SGIP1: variants seen among roughly 807,000 people sequenced by gnomAD.
SGIP1 encodes SH3-containing GRB2-like protein 3-interacting protein 1.
Under a neutral mutation model 107.5 loss-of-function variants are expected in SGIP1, and 38 were observed. That is an observed-to-expected ratio of 0.35 (90% CI 0.27 to 0.46). The LOEUF (loss-of-function observed/expected upper bound fraction) is 0.46. Ranked by LOEUF, SGIP1 falls within the 20% of genes least tolerant of loss-of-function variation. SGIP1 has a pLI of 1.00. For synonymous variants in SGIP1, 365 were observed against 366.1 expected (o/e 1.00, Z 0.03); for missense variants, 929 against 1,019.5 (o/e 0.91, Z 1.21).
At chr1:66,658,011 T>G (rs1308018574) in intron 7 of SGIP1, among the ~76,000 whole-genome samples, 1 of 152,196 alleles carries the variant, frequency 6.6e-6, no homozygotes, top group Non-Finnish European at 1.5e-5. Context: ...TGTTGATAGC[T>G]GCTGCCATAG....
At chr1:66,673,225 T>C in intron 11 of SGIP1, 56 bp from the exon 12 acceptor site, 1 of 1,525,336 alleles carries the variant, frequency 6.6e-7, no homozygotes, top group Non-Finnish European at 9.1e-7. Flanking sequence ...TATATCTTTT[T>C]GAGTATTAAT....
At chr1:66,652,326 A>G (rs928075890) in intron 7 of SGIP1, among the ~76,000 whole-genome samples, 1 of 152,182 alleles carries the variant, frequency 6.6e-6, no homozygotes, top group Admixed American at 6.6e-5. Flanking sequence ...TGTAGGAGGC[A>G]GAAGGAAAAT....
intron 1 of SGIP1, among the ~76,000 whole-genome samples, chr1:66,554,443 G>A (rs1352729185): frequency 1.3e-5 from 2 of 152,070 alleles, no homozygotes; most frequent in Admixed American, 6.6e-5. Flanking sequence ...ATAACATGAT[G>A]AGCATCCCTA....
chr1:66,580,663 A>G (rs938037899), intron 1 of SGIP1, among the ~76,000 whole-genome samples: 3 of 152,082 alleles, frequency 2.0e-5, no homozygotes, highest in African/African-American at 4.8e-5. Context: ...TTTATTGTAG[A>G]TATTTCTTTA....
At chr1:66,663,911 C>T (rs1212239096) in intron 8 of SGIP1, among the ~76,000 whole-genome samples, 2 of 152,002 alleles carry the variant, frequency 1.3e-5, no homozygotes, top group Non-Finnish European at 2.9e-5. Context: ...AAAGTAATAG[C>T]AAAAAACCGC....
intron 20 of SGIP1, among the ~76,000 whole-genome samples, chr1:66,733,271 C>T (rs959347643): frequency 6.6e-6 from 1 of 152,136 alleles, no homozygotes; most frequent in Non-Finnish European, 1.5e-5. Context: ...CTCTTTTCTG[C>T]TTAGTTGGTG....
intron 9 of SGIP1, among the ~76,000 whole-genome samples, chr1:66,669,552 T>G (rs1325264): frequency 0.077 from 11,698 of 152,306 alleles, 468 homozygotes; most frequent in South Asian, 0.098. Flanking sequence ...ACATCTGTTA[T>G]CTAATTATTT....
chr1:66,581,539 A>G (rs2061824493), intron 1 of SGIP1, among the ~76,000 whole-genome samples: 1 of 152,030 alleles, frequency 6.6e-6, no homozygotes, highest in Admixed American at 6.6e-5. Flanking sequence ...CGCTCTGCCA[A>G]TCTTGACTCA....
intron 1 of SGIP1, among the ~76,000 whole-genome samples, chr1:66,568,913 C>T (rs2060018159): frequency 6.6e-6 from 1 of 151,882 alleles, no homozygotes; most frequent in Non-Finnish European, 1.5e-5. Context: ...GAACTAGCTG[C>T]TACCCCATAT....
Position 66,719,478 on chromosome 1 carries a change from C to G in SGIP1, c.1742+73C>G, listed in dbSNP as rs187290199. 5 of 1,175,058 alleles carry G rather than the reference C, an allele frequency of 4.3e-6. No individual in the cohort carries two copies. The Admixed American group carries it at 1.0e-4, about 24-fold the overall frequency. The allele number at this position is 1,175,058 out of a possible 1,614,324, so 72.8% of individuals were successfully genotyped here. On this transcript the variant is annotated intron_variant, in intron 19 of 24. Coordinates refer to ENST00000371037, the MANE Select transcript of SGIP1 (RefSeq NM_032291.4). ...GAGTGTGGAACAGCCTAAATACAAC[C>G]TTTTCATTTTTTCTTTTAAAAAGCA... is the stretch of plus-strand genomic sequence containing the variant.
At chr1:66,691,353 A>T (rs1177315362) in intron 17 of SGIP1, among the ~76,000 whole-genome samples, 1 of 152,222 alleles carries the variant, frequency 6.6e-6, no homozygotes, top group East Asian at 1.9e-4. Context: ...ATTTTCCCAG[A>T]TAAATAAGTT....
At chr1:66,632,686 T>G (rs1266345443) in intron 2 of SGIP1, among the ~76,000 whole-genome samples, 1 of 152,166 alleles carries the variant, frequency 6.6e-6, no homozygotes, top group African/African-American at 2.4e-5. Flanking sequence ...CAAATTGGTT[T>G]ACTTGCCTCA....
intron 5 of SGIP1, among the ~76,000 whole-genome samples, chr1:66,640,854 G>A (rs2076654475): frequency 2.0e-5 from 3 of 151,210 alleles, no homozygotes; most frequent in Admixed American, 2.0e-4. Context: ...CAAAAAAATG[G>A]TGAGTTTCAG....
At chr1:66,545,048 C>G (rs1410922629) in intron 1 of SGIP1, among the ~76,000 whole-genome samples, 1 of 152,146 alleles carries the variant, frequency 6.6e-6, no homozygotes, top group African/African-American at 2.4e-5. Flanking sequence ...CTAAATAGCT[C>G]TTGACTCTGT....
chr1:66,702,625 G>A (rs925537620), intron 18 of SGIP1, among the ~76,000 whole-genome samples: 1 of 152,166 alleles, frequency 6.6e-6, no homozygotes, highest in Non-Finnish European at 1.5e-5. Flanking sequence ...CTCATTTCTG[G>A]TAACTTCCTG....
chr1:66,699,672 T>C (rs962907105), intron 18 of SGIP1, among the ~76,000 whole-genome samples: 1 of 152,172 alleles, frequency 6.6e-6, no homozygotes, highest in African/African-American at 2.4e-5. Flanking sequence ...TCAACAAATA[T>C]TAAGTGACTG....
intron 18 of SGIP1, among the ~76,000 whole-genome samples, chr1:66,718,535 T>C (rs1296246570): frequency 2.0e-5 from 3 of 152,120 alleles, no homozygotes; most frequent in South Asian, 2.1e-4. Flanking sequence ...TTTCCTCTTC[T>C]ATAAAATGGG....
intron 2 of SGIP1, among the ~76,000 whole-genome samples, chr1:66,628,772 G>A (rs1022513286): frequency 6.6e-6 from 1 of 152,200 alleles, no homozygotes; most frequent in Non-Finnish European, 1.5e-5. Flanking sequence ...ATTCCTCACA[G>A]CTACGGGTAG....
chr1:66,638,202 T>G (rs1469287744), intron 4 of SGIP1, among the ~76,000 whole-genome samples: 4 of 152,088 alleles, frequency 2.6e-5, no homozygotes, highest in Non-Finnish European at 5.9e-5. Flanking sequence ...AAAGCAGAAA[T>G]TAAAAGAGAA....
Sources: gnomAD v4.1 joint callset for allele counts (sites outside exome capture counted in the v4.1 genomes callset) on GRCh38, gnomAD v4.1.1 for gene constraint, MANE v1.5 for transcripts, NCBI Gene and HGNC (gene_info 2026-07-23, HGNC 2026-07-21) for gene names.